SPATA7: variants seen among roughly 807,000 people sequenced by gnomAD.
The protein encoded by SPATA7 is spermatogenesis associated 7.
In SPATA7, 43 loss-of-function variants were observed where a neutral mutation model predicts 51.8. That is an observed-to-expected ratio of 0.83 (90% CI 0.65 to 1.07). The LOEUF (loss-of-function observed/expected upper bound fraction) is 1.07, where lower values mean the gene tolerates loss of function less well. Ranked by LOEUF, SPATA7 falls within the 50% of genes least tolerant of loss-of-function variation. SPATA7 has a pLI of 0.00. For synonymous variants in SPATA7, 230 were observed against 252.8 expected, an observed-to-expected ratio of 0.91 and a Z score of 0.86; for missense variants, 683 against 701.3, an observed-to-expected ratio of 0.97 and a Z score of 0.30.
At chr14:88,404,251 T>G (rs2076144680) in intron 4 of SPATA7, among the ~76,000 whole-genome samples, 2 of 152,182 alleles carry the variant, frequency 1.3e-5, no homozygotes, top group Non-Finnish European at 2.9e-5. Context: ...TGATACTTTT[T>G]AAAGTAATTT....
chr14:88,453,786 A>C (rs770295548), intron 3 of SPATA7, among the ~76,000 whole-genome samples: 2 of 152,210 alleles, frequency 1.3e-5, no homozygotes, highest in Non-Finnish European at 2.9e-5. Flanking sequence ...AGAAGATGCC[A>C]CCCTGAGTTA....
chr14:88,398,996 G>A (rs1388223353), intron 4 of SPATA7, among the ~76,000 whole-genome samples: 3 of 150,088 alleles, frequency 2.0e-5, no homozygotes, highest in Non-Finnish European at 2.9e-5. Context: ...AGCTTGCAGT[G>A]AGCCGAGATG....
At position 88,438,439 on chromosome 14, in the gene SPATA7, C is replaced by T. The variant is rs374993020; in HGVS notation, c.*17C>T. 8 of 1,526,732 alleles carry T rather than the reference C, an allele frequency of 5.2e-6. No individual in the cohort carries two copies. In the African/African-American group the frequency reaches 9.6e-5, roughly 18 times the overall value. The allele number at this position is 1,526,732 out of a possible 1,614,324, so 94.6% of individuals were successfully genotyped here. A position where few individuals can be genotyped will look rare whatever the true frequency, so the allele number is the denominator to read the frequency against. On this transcript the variant is annotated 3_prime_UTR_variant, in exon 12 of 12. Transcript: ENST00000393545. ...GATGTTTAATCTTCATTAATAAATA[C>T]CTCAAATGGCCAGTAACTCAATATT...
chr14:88,414,729 T>G (rs1356473362), intron 4 of SPATA7: 5 of 383,768 alleles, frequency 1.3e-5, no homozygotes, highest in Non-Finnish European at 2.5e-5. Flanking sequence ...TCCCAGAAAT[T>G]TTGGTATGTT....
downstream of SPATA7, among the ~76,000 whole-genome samples, chr14:88,442,468 A>G (rs1036579715): frequency 3.3e-5 from 5 of 152,262 alleles, no homozygotes; most frequent in East Asian, 5.8e-4. Flanking sequence ...TGTTCCTTCT[A>G]TGCTGATTTT....
rs994122301 is a variant in SPATA7, at chr14:88,395,328, AT to A, written c.191-824del. Among the ~76,000 whole-genome samples, 45 of 152,012 alleles carry A rather than the reference AT, an allele frequency of 3.0e-4. 1 individual carries two copies. Among genetic ancestry groups the A allele is most frequent in the African/African-American group, 1.0e-3 (42 of 41,420 alleles). On this transcript the variant is annotated intron_variant, in intron 3 of 11. Coordinates refer to ENST00000393545, the MANE Select transcript of SPATA7 (RefSeq NM_018418.5). ...TCATTTAAATAGCTAAAGTTTTTAA[AT>A]TTTAGTTTATATTTTATGATGCTTA...
intron 3 of SPATA7, among the ~76,000 whole-genome samples, chr14:88,446,886 G>C (rs996268637): frequency 2.0e-5 from 3 of 152,114 alleles, no homozygotes; most frequent in Admixed American, 6.6e-5. Flanking sequence ...CATTTGTTGA[G>C]GAGAGCTTTA....
At chr14:88,430,410 G>A (rs2140007228) in intron 8 of SPATA7, among the ~76,000 whole-genome samples, 1 of 152,114 alleles carries the variant, frequency 6.6e-6, no homozygotes, top group East Asian at 1.9e-4. Flanking sequence ...AATGACTTAA[G>A]GAAAGGAATA....
At chr14:88,427,533 C>T in intron 6 of SPATA7, 97 bp from the exon 7 acceptor site, 1 of 773,516 alleles carries the variant, frequency 1.3e-6, no homozygotes, top group East Asian at 2.7e-5. Flanking sequence ...AGATGGGTCT[C>T]ATTCTTTTTG....
intron 1 of SPATA7, 132 bp downstream of exon 1, chr14:88,385,969 G>A: frequency 6.5e-7 from 1 of 1,529,750 alleles, no homozygotes; most frequent in East Asian, 2.5e-5. Flanking sequence ...AGTCGCCAGT[G>A]TTGCCTGGAG....
intron 4 of SPATA7, among the ~76,000 whole-genome samples, chr14:88,406,952 G>A (rs1328466829): frequency 6.6e-6 from 1 of 152,102 alleles, no homozygotes; most frequent in Non-Finnish European, 1.5e-5. Context: ...TCTTTTTTAT[G>A]GCTGCATAGT....
chr14:88,443,121 T>C (rs2077188725), downstream of SPATA7, among the ~76,000 whole-genome samples: 1 of 151,968 alleles, frequency 6.6e-6, no homozygotes, highest in African/African-American at 2.4e-5. Flanking sequence ...ATTTTTGTAT[T>C]TTTAGTAGAG....
rs140784779 is a variant in SPATA7, at chr14:88,387,612, C to T, written c.19+1775C>T. On this transcript the variant is annotated intron_variant, in intron 1 of 11. Transcript: ENST00000393545. ...TTTTGTCATGCTCTTACTGTAATCACGTTTTAGACATTCTTTTGTAAGGCA... is the reference window on the plus strand; with the variant it reads ...TTTTGTCATGCTCTTACTGTAATCATGTTTTAGACATTCTTTTGTAAGGCA... Among the ~76,000 whole-genome samples the T allele has an allele frequency of 2.1e-3, 323 of 152,264 alleles. 4 individuals carry two copies. The highest frequency in any genetic ancestry group is 7.3e-3 in the African/African-American group (304 of 41,538).
At chr14:88,431,105 A>G (rs1039878203) in intron 8 of SPATA7, 67 bp from the exon 9 acceptor site, 50 of 1,317,346 alleles carry the variant, frequency 3.8e-5, no homozygotes, top group South Asian at 9.4e-5. Flanking sequence ...CTAATATACA[A>G]TGTTATTGAG....
At chr14:88,465,517 G>A (rs2077351755) in intron 4 of SPATA7, among the ~76,000 whole-genome samples, 1 of 151,882 alleles carries the variant, frequency 6.6e-6, no homozygotes, top group East Asian at 1.9e-4. Context: ...TACCAACTAA[G>A]CTAAACTATT....
At chr14:88,428,972 T>G in intron 7 of SPATA7, 1 of 215,704 alleles carries the variant, frequency 4.6e-6, no homozygotes, top group South Asian at 6.7e-5. Context: ...CTACCACTGC[T>G]TCTACATATT....
intron 4 of SPATA7, chr14:88,467,139 A>G (rs2077376940): frequency 6.6e-6 from 1 of 152,172 alleles, no homozygotes; most frequent in Non-Finnish European, 1.5e-5. Context: ...TGCATTTACC[A>G]TCACACTCCA....
intron 4 of SPATA7, among the ~76,000 whole-genome samples, chr14:88,464,131 C>A (rs529282777): frequency 3.3e-5 from 5 of 152,018 alleles, no homozygotes; most frequent in African/African-American, 1.2e-4. Flanking sequence ...TGAGCCACCA[C>A]GACCGGCCTT....
At chr14:88,458,229 A>T (rs1257257740), downstream of SPATA7, among the ~76,000 whole-genome samples, 4 of 152,174 alleles carry the variant, frequency 2.6e-5, no homozygotes, top group East Asian at 1.9e-4. Flanking sequence ...TATCAGGATG[A>T]TGCTGGCCTC....
Sources: gnomAD v4.1 joint callset for allele counts (sites outside exome capture counted in the v4.1 genomes callset) on GRCh38, gnomAD v4.1.1 for gene constraint, MANE v1.5 for transcripts, NCBI Gene and HGNC (gene_info 2026-07-23, HGNC 2026-07-21) for gene names.